The following CPNE4 variants were observed in gnomAD, a reference collection of about 807,000 sequenced individuals.
The protein encoded by CPNE4 is copine 4, also known as copine-4.
In CPNE4, 25 loss-of-function variants were observed where a neutral mutation model predicts 67.9. The ratio of observed to expected loss-of-function variants is 0.37; its 90% CI spans 0.27 to 0.51. The LOEUF is 0.51. CPNE4 is among the 20% of genes least tolerant of loss of function. CPNE4 has a pLI of 0.93. For synonymous variants in CPNE4, 242 were observed against 244.9 expected (o/e 0.99, Z 0.11); for missense variants, 464 against 690.8 (o/e 0.67, Z 3.68).
intron 3 of CPNE4, among the ~76,000 whole-genome samples, chr3:131,715,243 G>A (rs1397117373): frequency 1.3e-5 from 2 of 152,178 alleles, no homozygotes; most frequent in African/African-American, 4.8e-5. Context: ...TATATTTAAA[G>A]TAAATTCAGT....
intron 1 of CPNE4, among the ~76,000 whole-genome samples, chr3:131,909,015 A>G (rs1408409855): frequency 6.6e-6 from 1 of 152,190 alleles, no homozygotes; most frequent in African/African-American, 2.4e-5. Flanking sequence ...TTTCACTACC[A>G]ACTGAAAAAC....
intron 1 of CPNE4, among the ~76,000 whole-genome samples, chr3:132,012,383 G>C (rs1253464675): frequency 6.6e-6 from 1 of 152,024 alleles, no homozygotes; most frequent in East Asian, 1.9e-4. Flanking sequence ...TGGCCAGGTT[G>C]GTCTCAAACT....
At chr3:131,649,673 A>G (rs372290514) in intron 7 of CPNE4, among the ~76,000 whole-genome samples, 1 of 152,112 alleles carries the variant, frequency 6.6e-6, no homozygotes, top group Admixed American at 6.6e-5. Context: ...AGAAATATCA[A>G]TTCTTATAGG....
intron 3 of CPNE4, among the ~76,000 whole-genome samples, chr3:131,709,321 G>T (rs181079827): frequency 3.9e-5 from 6 of 152,216 alleles, no homozygotes; most frequent in African/African-American, 1.2e-4. Flanking sequence ...AATTTCTTGG[G>T]TGTCCGGAGG....
At chr3:131,980,260 GC>G (rs1220396872) in intron 1 of CPNE4, among the ~76,000 whole-genome samples, 3 of 152,108 alleles carry the variant, frequency 2.0e-5, no homozygotes, top group African/African-American at 7.2e-5. Flanking sequence ...GGCCAGGGAA[GC>G]TTTCTTCTAT....
intron 5 of CPNE4, among the ~76,000 whole-genome samples, chr3:131,689,103 G>A (rs575688204): frequency 1.1e-4 from 16 of 152,124 alleles, no homozygotes; most frequent in Non-Finnish European, 1.8e-4. Flanking sequence ...TCTATACGCA[G>A]CATACTGGCT....
chr3:131,829,525 AC>A (rs2085292893), intron 2 of CPNE4, among the ~76,000 whole-genome samples: 1 of 152,172 alleles, frequency 6.6e-6, no homozygotes, highest in Non-Finnish European at 1.5e-5. Flanking sequence ...GTTAGTAAAT[AC>A]TTGTCAAATA....
intron 2 of CPNE4, among the ~76,000 whole-genome samples, chr3:131,845,967 G>A (rs1490223805): frequency 6.6e-6 from 1 of 152,072 alleles, no homozygotes; most frequent in Non-Finnish European, 1.5e-5. Context: ...TTGCATCCTT[G>A]CTTTTATTCT....
intron 1 of CPNE4, among the ~76,000 whole-genome samples, chr3:131,955,650 C>A (rs2071942667): frequency 6.6e-6 from 1 of 151,970 alleles, no homozygotes; most frequent in African/African-American, 2.4e-5. Context: ...AGGAGGGAAC[C>A]AGACAGATAC....
At chr3:131,612,578 T>G (rs1416943794) in intron 7 of CPNE4, among the ~76,000 whole-genome samples, 1 of 152,094 alleles carries the variant, frequency 6.6e-6, no homozygotes, top group Non-Finnish European at 1.5e-5. Context: ...TCTCTTGGCA[T>G]CTCTCTCTTA....
intron 7 of CPNE4, among the ~76,000 whole-genome samples, chr3:131,618,299 G>C (rs1291530743): frequency 6.6e-6 from 1 of 152,144 alleles, no homozygotes; most frequent in Admixed American, 6.5e-5. Context: ...CATTTAGGAG[G>C]TATATTGTGA....
At chr3:131,719,627 C>A (rs1015169792) in intron 3 of CPNE4, among the ~76,000 whole-genome samples, 1 of 152,152 alleles carries the variant, frequency 6.6e-6, no homozygotes, top group Non-Finnish European at 1.5e-5. Context: ...AATAAAAATT[C>A]CCATGTCAAA....
chr3:131,963,569 C>T (rs1474403764), intron 1 of CPNE4, among the ~76,000 whole-genome samples: 1 of 152,140 alleles, frequency 6.6e-6, no homozygotes, highest in Non-Finnish European at 1.5e-5. Context: ...GGGCATCCAC[C>T]ATTACTGAGG....
chr3:131,866,414 C>A (rs1465610213), intron 2 of CPNE4, among the ~76,000 whole-genome samples: 1 of 152,148 alleles, frequency 6.6e-6, no homozygotes, highest in African/African-American at 2.4e-5. Flanking sequence ...TCCTTGTGCC[C>A]AGTTCCAGAG....
At chr3:131,860,967 T>C (rs1366060638) in intron 2 of CPNE4, among the ~76,000 whole-genome samples, 1 of 152,240 alleles carries the variant, frequency 6.6e-6, no homozygotes, top group Non-Finnish European at 1.5e-5. Context: ...CCATGTCTAG[T>C]ATGTCTTGCT....
intron 2 of CPNE4, among the ~76,000 whole-genome samples, chr3:131,780,950 G>A (rs993419467): frequency 6.6e-6 from 1 of 152,086 alleles, no homozygotes; most frequent in African/African-American, 2.4e-5. Context: ...CTTGAGGTCC[G>A]TGTGGCTGGA....
intron 1 of CPNE4, among the ~76,000 whole-genome samples, chr3:132,001,611 G>GAAAGAAAA (rs1560766101): frequency 6.8e-6 from 1 of 146,024 alleles, no homozygotes; most frequent in Non-Finnish European, 1.5e-5. Context: ...AAGAAAGAAA[G>GAAAGAAAA]AAAGAAAATG....
chr3:131,711,551 A>T (rs2081557667), intron 3 of CPNE4, among the ~76,000 whole-genome samples: 1 of 152,132 alleles, frequency 6.6e-6, no homozygotes, highest in Non-Finnish European at 1.5e-5. Context: ...GCTTACCTGG[A>T]TGGAGATTAG....
intron 7 of CPNE4, among the ~76,000 whole-genome samples, chr3:131,667,557 G>A (rs191804487): frequency 9.2e-5 from 14 of 151,990 alleles, no homozygotes; most frequent in Non-Finnish European, 1.5e-4. Flanking sequence ...AAATCCAAAC[G>A]TCAATAGTGC....
Sources: gnomAD v4.1 joint callset for allele counts (sites outside exome capture counted in the v4.1 genomes callset) on GRCh38, gnomAD v4.1.1 for gene constraint, MANE v1.5 for transcripts, NCBI Gene and HGNC (gene_info 2026-07-23, HGNC 2026-07-21) for gene names.